POLB: variants seen among roughly 807,000 people sequenced by gnomAD.
POLB encodes the protein 5'-dRP lyase.
A neutral mutation model predicts 52.7 loss-of-function variants in POLB; 37 were observed. The observed-to-expected ratio is 0.70, with a 90% CI of 0.54 to 0.92. POLB has a LOEUF of 0.92. POLB is among the 40% of genes least tolerant of loss of function. POLB has a pLI of 0.00. For missense variants in POLB, 313 were observed against 400.8 expected, an observed-to-expected ratio of 0.78 and a Z score of 1.87; for synonymous variants, 138 against 131.3, an observed-to-expected ratio of 1.05 and a Z score of -0.35.
At chr8:42,366,717 C>T (rs955036079) in intron 11 of POLB, among the ~76,000 whole-genome samples, 8 of 152,082 alleles carry the variant, frequency 5.3e-5, no homozygotes, top group African/African-American at 1.7e-4. Flanking sequence ...TATTCTGGCT[C>T]CATTACTAAT....
At chr8:42,358,462 G>T (rs986766087) in intron 9 of POLB, among the ~76,000 whole-genome samples, 1 of 151,826 alleles carries the variant, frequency 6.6e-6, no homozygotes, top group Non-Finnish European at 1.5e-5. Flanking sequence ...AGATCAAGCC[G>T]CTGCACTCCA....
chr8:42,362,979 C>T (rs897441202), intron 11 of POLB, among the ~76,000 whole-genome samples: 4 of 152,068 alleles, frequency 2.6e-5, no homozygotes, highest in Non-Finnish European at 5.9e-5. Flanking sequence ...ACAAAATTGG[C>T]CGGGCGTGGT....
At chr8:42,345,374 C>A (rs1040940242) in intron 3 of POLB, among the ~76,000 whole-genome samples, 7 of 152,086 alleles carry the variant, frequency 4.6e-5, no homozygotes, top group Non-Finnish European at 7.4e-5. Flanking sequence ...TTCTCTGATC[C>A]CCAGGTGTAG....
chr8:42,351,239 A>G (rs1265968879), intron 5 of POLB, among the ~76,000 whole-genome samples: 1 of 152,178 alleles, frequency 6.6e-6, no homozygotes, highest in Non-Finnish European at 1.5e-5. Context: ...AACATGAGTA[A>G]CCATGGCAGA....
chr8:42,360,821 G>A (rs941079011), intron 9 of POLB, among the ~76,000 whole-genome samples: 1 of 151,866 alleles, frequency 6.6e-6, no homozygotes, highest in African/African-American at 2.4e-5. Context: ...TGGGCTCAGC[G>A]ATCCTCTGGC....
chr8:42,339,631 C>G (rs923388162), intron 2 of POLB: 1 of 152,198 alleles, frequency 6.6e-6, no homozygotes. Context: ...ATTGCAGCTT[C>G]AACCTTCCAG....
intron 2 of POLB, among the ~76,000 whole-genome samples, chr8:42,340,998 A>G (rs1822168118): frequency 6.6e-6 from 1 of 152,192 alleles, no homozygotes; most frequent in African/African-American, 2.4e-5. Flanking sequence ...GTGCCAAAGC[A>G]TTGAGACATG....
intron 10 of POLB, 153 bp downstream of exon 10, chr8:42,361,518 A>G: frequency 4.8e-6 from 3 of 621,376 alleles, no homozygotes; most frequent in South Asian, 1.9e-5. Flanking sequence ...GCGAAAGGCA[A>G]ATTTCTCGAA....
At chr8:42,344,284 A>G (rs1422005860) in intron 2 of POLB, among the ~76,000 whole-genome samples, 1 of 151,826 alleles carries the variant, frequency 6.6e-6, no homozygotes, top group Admixed American at 6.6e-5. Context: ...CCTGGCCAAC[A>G]TGGAGAAACC....
intron 11 of POLB, among the ~76,000 whole-genome samples, chr8:42,363,203 T>C (rs970474291): frequency 2.0e-5 from 3 of 151,914 alleles, no homozygotes; most frequent in Non-Finnish European, 4.4e-5. Flanking sequence ...GAAAGAATTT[T>C]CTTTTAATTC....
intron 6 of POLB, among the ~76,000 whole-genome samples, chr8:42,354,052 T>C (rs768776811): frequency 2.0e-5 from 3 of 152,244 alleles, no homozygotes; most frequent in Middle Eastern, 3.4e-3. Flanking sequence ...AGAGAATTGA[T>C]TGGCTAAAGG....
intron 6 of POLB, among the ~76,000 whole-genome samples, chr8:42,352,789 C>G (rs1823053874): frequency 6.6e-6 from 1 of 151,998 alleles, no homozygotes; most frequent in Non-Finnish European, 1.5e-5. Flanking sequence ...CTAAGAAGAC[C>G]AAGAACCAGG....
At chr8:42,347,655 A>G (rs1181098256) in intron 3 of POLB, among the ~76,000 whole-genome samples, 3 of 152,022 alleles carry the variant, frequency 2.0e-5, no homozygotes, top group Admixed American at 6.6e-5. Flanking sequence ...TTATTGTAGC[A>G]CTATGTGTAA....
intron 4 of POLB, 25 bp downstream of exon 4, chr8:42,349,115 A>G: frequency 7.4e-7 from 1 of 1,353,338 alleles, no homozygotes; most frequent in South Asian, 1.2e-5. Context: ...TGTTTACTTC[A>G]TTAATTATAG....
chr8:42,356,657 G>A (rs3136758), intron 7 of POLB, among the ~76,000 whole-genome samples: 4,305 of 150,844 alleles, frequency 0.029, 79 homozygotes, highest in Non-Finnish European at 0.039. Flanking sequence ...CTGTCTCTAC[G>A]GATTTGCCTA....
At chr8:42,370,643 C>T (rs184951197) in intron 13 of POLB, among the ~76,000 whole-genome samples, 24 of 152,270 alleles carry the variant, frequency 1.6e-4, no homozygotes, top group African/African-American at 2.9e-4. Context: ...ATTCCTTTGG[C>T]TTGCAGTGGG....
intron 11 of POLB, among the ~76,000 whole-genome samples, chr8:42,366,493 G>GT (rs1169441885): frequency 6.6e-6 from 1 of 152,126 alleles, no homozygotes; most frequent in African/African-American, 2.4e-5. Context: ...TCAGTGGGTG[G>GT]TTTTTGACAA....
intron 6 of POLB, among the ~76,000 whole-genome samples, chr8:42,352,890 C>A (rs1168958122): frequency 6.6e-6 from 1 of 151,992 alleles, no homozygotes; most frequent in Non-Finnish European, 1.5e-5. Flanking sequence ...GTCTGGCCAA[C>A]ATGGTGAAAC....
chr8:42,344,000 G>A (rs1349276329), intron 2 of POLB, among the ~76,000 whole-genome samples: 4 of 151,752 alleles, frequency 2.6e-5, no homozygotes, highest in South Asian at 2.1e-4. Flanking sequence ...ATGTGGTGGC[G>A]CATGCCTGTA....
Sources: gnomAD v4.1 joint callset for allele counts (sites outside exome capture counted in the v4.1 genomes callset) on GRCh38, gnomAD v4.1.1 for gene constraint, MANE v1.5 for transcripts, NCBI Gene and HGNC (gene_info 2026-07-23, HGNC 2026-07-21) for gene names.